The following CNRIP1 variants were observed in gnomAD, a reference collection of about 807,000 sequenced individuals.
CNRIP1 encodes CB1 cannabinoid receptor-interacting protein 1.
A neutral mutation model predicts 15.2 loss-of-function variants in CNRIP1; 10 were observed. The ratio of observed to expected loss-of-function variants is 0.66; its 90% CI spans 0.41 to 1.12. CNRIP1 has a LOEUF of 1.12. Ranked by LOEUF, CNRIP1 falls within the 50% of genes most tolerant of loss-of-function variation. CNRIP1 has a pLI of 0.00. For missense variants in CNRIP1, 211 were observed against 214.7 expected (o/e 0.98, Z 0.11); for synonymous variants, 91 against 83.2 (o/e 1.09, Z -0.51).
In CNRIP1 at chr2:68,293,899, C is replaced by G. The variant is rs768071705; in HGVS notation, c.458G>C (p.Arg153Pro). 2 of 1,613,980 alleles carry G rather than the reference C, an allele frequency of 1.2e-6. No individual in the cohort carries two copies. Among genetic ancestry groups the G allele is most frequent in the Non-Finnish European group, 1.7e-6 (2 of 1,179,930 alleles). ...CTCCTTGTTCACCCACATCAGACTGCGTGTCTCGTTGGGCTTGCATTCATA... is the reference window on the plus strand; with the variant it reads ...CTCCTTGTTCACCCACATCAGACTGGGTGTCTCGTTGGGCTTGCATTCATA... Reference protein sequence around the residue: ...IEYECKPNETRSLMWVNKESF... With the variant: ...IEYECKPNETPSLMWVNKESF... The change falls in exon 3 of 3, where the codon CGC becomes CCC. Residue 153 changes from arginine (R) to proline (P), a missense_variant. Transcript: ENST00000263655.
chr2:68,293,737 T>G lies in CNRIP1; in HGVS notation c.*125A>C, dbSNP rs970221484. On this transcript the variant is annotated 3_prime_UTR_variant, in exon 3 of 3. Transcript: ENST00000263655. The stretch of plus-strand genomic sequence containing the variant: ...ATTACACTTTCAAAATAACCAGGGC[T>G]AGTAGGTCATTAGTACCAGATGGGG... 55 of 1,486,946 alleles carry G rather than the reference T, an allele frequency of 3.7e-5. No individual in the cohort carries two copies. The East Asian group carries it at 1.2e-3, about 33-fold the overall frequency. 92.1% of individuals were successfully genotyped at this position (1,486,946 alleles called of 1,614,324 possible).
chr2:68,303,699 T>C (rs1483339699), intron 2 of CNRIP1, among the ~76,000 whole-genome samples: 2 of 152,234 alleles, frequency 1.3e-5, no homozygotes, highest in African/African-American at 4.8e-5. Context: ...TCTGTTTTAA[T>C]GTGAAAATGA....
chr2:68,294,066 T>C, intron 2 of CNRIP1, 40 bp from the exon 3 acceptor site: 1 of 1,598,954 alleles, frequency 6.3e-7, no homozygotes, highest in Non-Finnish European at 8.6e-7. Context: ...AACCTCATTC[T>C]GCCACGAGCA....
chr2:68,285,656 CAA>C (rs772428324), intron 2 of CNRIP1, among the ~76,000 whole-genome samples: 6 of 103,892 alleles, frequency 5.8e-5, no homozygotes, highest in East Asian at 2.7e-4. Context: ...GACCCTGTCT[CAA>C]AAAAAAAAAA....
intron 2 of CNRIP1, among the ~76,000 whole-genome samples, chr2:68,296,606 A>G (rs1671367446): frequency 6.6e-6 from 1 of 150,396 alleles, no homozygotes; most frequent in Non-Finnish European, 1.5e-5. Flanking sequence ...ATCCTGATGG[A>G]CTGTTTTATT....
chr2:68,318,603 A>G (rs192504208), intron 1 of CNRIP1, among the ~76,000 whole-genome samples: 283 of 152,324 alleles, frequency 1.9e-3, no homozygotes, highest in Non-Finnish European at 1.9e-3. Flanking sequence ...GAAAAAGAAC[A>G]GCATACGGCA....
At chr2:68,305,864 C>G (rs1032626547) in intron 2 of CNRIP1, among the ~76,000 whole-genome samples, 3 of 150,242 alleles carry the variant, frequency 2.0e-5, no homozygotes, top group African/African-American at 7.4e-5. Flanking sequence ...CACGGTAGCT[C>G]ATGCCTGTCA....
At chr2:68,301,893 CAAAAAAAAAAA>C (rs61613452) in intron 2 of CNRIP1, among the ~76,000 whole-genome samples, 2 of 74,314 alleles carry the variant, frequency 2.7e-5, no homozygotes, top group Non-Finnish European at 5.1e-5. Flanking sequence ...GTCTCCGTCT[CAAAAAAAAAAA>C]AAAAAAAAAA....
intron 2 of CNRIP1, among the ~76,000 whole-genome samples, chr2:68,313,119 G>C (rs1672150287): frequency 6.6e-6 from 1 of 152,088 alleles, no homozygotes; most frequent in South Asian, 2.1e-4. Context: ...TATGCTACCT[G>C]TTTTAAGGAC....
intron 2 of CNRIP1, among the ~76,000 whole-genome samples, chr2:68,303,682 G>T (rs1415819784): frequency 6.6e-6 from 1 of 152,178 alleles, no homozygotes; most frequent in Non-Finnish European, 1.5e-5. Context: ...GAAGCACAGG[G>T]TCTTCTTCTG....
At chr2:68,292,516 A>G (rs1338024105), downstream of CNRIP1, among the ~76,000 whole-genome samples, 2 of 152,186 alleles carry the variant, frequency 1.3e-5, no homozygotes, top group Non-Finnish European at 2.9e-5. Context: ...TTCCAATACT[A>G]TAGGATTTGT....
At chr2:68,298,591 T>C (rs1412994945) in intron 2 of CNRIP1, among the ~76,000 whole-genome samples, 1 of 152,214 alleles carries the variant, frequency 6.6e-6, no homozygotes, top group Non-Finnish European at 1.5e-5. Context: ...ATAGCAACAG[T>C]CATAGCTAAA....
intron 2 of CNRIP1, among the ~76,000 whole-genome samples, chr2:68,285,668 A>AAGAAAAG (rs1553413241): frequency 6.4e-5 from 8 of 124,436 alleles, no homozygotes; most frequent in East Asian, 2.2e-4. Context: ...AAAAAAAAAA[A>AAGAAAAG]AAAAGAAAAG....
At chr2:68,296,564 A>G (rs79671477) in intron 2 of CNRIP1, among the ~76,000 whole-genome samples, 41 of 151,126 alleles carry the variant, frequency 2.7e-4, no homozygotes, top group East Asian at 2.3e-3. Context: ...ATATATGTGT[A>G]TGTGTGTGTG....
In CNRIP1 at chr2:68,319,587, T is replaced by TA; in HGVS notation, c.-188dup. On this transcript the variant is annotated 5_prime_UTR_variant, in exon 1 of 3. An upstream open reading frame in the 5' UTR loses its in-frame stop. Coordinates refer to ENST00000263655, the MANE Select transcript of CNRIP1 (RefSeq NM_015463.3). The stretch of plus-strand genomic sequence containing the variant: ...CCCGGGCTTTTGAGGAGCAGCTCCT[T>TA]AGGCTGTGGCCCCCCTCCCCACTCG... 3.6e-6 allele frequency: 2 copies of TA among 559,290 alleles called. No homozygotes were observed. Among genetic ancestry groups the TA allele is most frequent in the Non-Finnish European group, 6.1e-6 (2 of 330,508 alleles). 34.6% of individuals were successfully genotyped at this position (559,290 alleles called of 1,614,324 possible).
At chr2:68,307,650 CAT>C (rs1169765685) in intron 2 of CNRIP1, among the ~76,000 whole-genome samples, 1 of 152,092 alleles carries the variant, frequency 6.6e-6, no homozygotes, top group Non-Finnish European at 1.5e-5. Context: ...TTAATGATGA[CAT>C]AGGACTCTTA....
At chr2:68,294,176 G>A in intron 2 of CNRIP1, 150 bp from the exon 3 acceptor site, 1 of 687,668 alleles carries the variant, frequency 1.5e-6, no homozygotes, top group South Asian at 2.6e-5. Flanking sequence ...TTCCTTTAGT[G>A]GTCTAGCTCC....
intron 2 of CNRIP1, among the ~76,000 whole-genome samples, chr2:68,286,356 A>G (rs766896379): frequency 1.3e-5 from 2 of 151,906 alleles, no homozygotes; most frequent in Admixed American, 6.6e-5. Context: ...TCATATACAC[A>G]TTATATAGAT....
chr2:68,295,667 ATC>A, intron 2 of CNRIP1, among the ~76,000 whole-genome samples: 1 of 152,320 alleles, frequency 6.6e-6, no homozygotes. Flanking sequence ...GTATGAATCC[ATC>A]TATATAGTGA....
Sources: gnomAD v4.1 joint callset for allele counts (sites outside exome capture counted in the v4.1 genomes callset) on GRCh38, gnomAD v4.1.1 for gene constraint, MANE v1.5 for transcripts, NCBI Gene and HGNC (gene_info 2026-07-23, HGNC 2026-07-21) for gene names.